DNAJC15: variants seen among roughly 807,000 people sequenced by gnomAD.
DNAJC15 encodes the protein DnaJ heat shock protein family (Hsp40) member C15.
Under a neutral mutation model 22.4 loss-of-function variants are expected in DNAJC15, and 27 were observed. The ratio of observed to expected loss-of-function variants is 1.20; its 90% CI spans 0.89 to 1.66. The LOEUF (loss-of-function observed/expected upper bound fraction) is 1.66. Ranked by LOEUF, DNAJC15 falls within the 40% of genes most tolerant of loss-of-function variation. The pLI is 0.00. For synonymous variants in DNAJC15, 79 were observed against 63.2 expected, an observed-to-expected ratio of 1.25 and a Z score of -1.19; for missense variants, 208 against 187.1, an observed-to-expected ratio of 1.11 and a Z score of -0.65.
chr13:43,074,229 GTGAA>G (rs1428510518), intron 3 of DNAJC15, among the ~76,000 whole-genome samples: 4 of 152,254 alleles, frequency 2.6e-5, no homozygotes, highest in African/African-American at 9.6e-5. Flanking sequence ...AGGCTATTGA[GTGAA>G]TGAATTAGCT....
chr13:43,028,293 C>G (rs1310493011), intron 1 of DNAJC15, among the ~76,000 whole-genome samples: 1 of 152,192 alleles, frequency 6.6e-6, no homozygotes, highest in African/African-American at 2.4e-5. Context: ...TTCCCCCTTT[C>G]TTGACTAGTG....
At chr13:43,070,064 C>A (rs2040601509) in intron 3 of DNAJC15, among the ~76,000 whole-genome samples, 1 of 152,012 alleles carries the variant, frequency 6.6e-6, no homozygotes, top group African/African-American at 2.4e-5. Flanking sequence ...CAGAAATTTT[C>A]AATGTTTATG....
In DNAJC15 at chr13:43,108,715, C is replaced by A. The variant is rs2040810514; in HGVS notation, c.*1467C>A. ...TATCTACTAAAGACTAGTCGTTTCTCATCAGTTGTGACAACAAAAATGGTT... is the reference window on the plus strand; with the variant it reads ...TATCTACTAAAGACTAGTCGTTTCTAATCAGTTGTGACAACAAAAATGGTT... On this transcript the variant is annotated 3_prime_UTR_variant, in exon 6 of 6. Coordinates refer to ENST00000379221, the MANE Select transcript of DNAJC15 (RefSeq NM_013238.3). 1 of 152,092 alleles carries A rather than the reference C, an allele frequency of 6.6e-6. No homozygotes were observed. Among genetic ancestry groups the A allele is most frequent in the African/African-American group, 2.4e-5 (1 of 41,412 alleles). 9.4% of individuals were successfully genotyped at this position (152,092 alleles called of 1,614,324 possible). A position where few individuals can be genotyped will look rare whatever the true frequency, so the allele number is the denominator to read the frequency against.
chr13:43,084,170 G>C (rs1039912818), intron 4 of DNAJC15, among the ~76,000 whole-genome samples: 4 of 152,092 alleles, frequency 2.6e-5, no homozygotes, highest in African/African-American at 9.7e-5. Context: ...TGCAGACCTT[G>C]AGAGTTTAAT....
chr13:43,078,487 GC>G (rs2040646118), intron 3 of DNAJC15, 124 bp from the exon 4 acceptor site: 1 of 599,542 alleles, frequency 1.7e-6, no homozygotes, highest in African/African-American at 1.9e-5. Flanking sequence ...GCTTCCCCCC[GC>G]CCCATAATTT....
chr13:43,087,229 T>C (rs2040692952), intron 5 of DNAJC15, among the ~76,000 whole-genome samples: 1 of 152,204 alleles, frequency 6.6e-6, no homozygotes, highest in African/African-American at 2.4e-5. Context: ...CTGTGGACTT[T>C]TTTTCCATAT....
chr13:43,060,215 C>T (rs955710785), intron 1 of DNAJC15, among the ~76,000 whole-genome samples: 21 of 151,940 alleles, frequency 1.4e-4, no homozygotes, highest in African/African-American at 5.1e-4. Context: ...CAGGGCTATT[C>T]GAGCGGGATT....
intron 1 of DNAJC15, among the ~76,000 whole-genome samples, chr13:43,036,272 C>A (rs949314191): frequency 4.0e-5 from 6 of 150,912 alleles, no homozygotes; most frequent in African/African-American, 1.5e-4. Flanking sequence ...CTCAAGCAGT[C>A]CTCCGACCTC....
intron 2 of DNAJC15, among the ~76,000 whole-genome samples, chr13:43,066,682 G>A (rs1184965524): frequency 6.6e-6 from 1 of 152,122 alleles, no homozygotes; most frequent in Non-Finnish European, 1.5e-5. Flanking sequence ...GAGTGCAGTG[G>A]GGCGATCTCT....
rs137946110 is a variant in DNAJC15, at chr13:43,032,767, G to A, written c.108+9033G>A. The stretch of plus-strand genomic sequence containing the variant: ...TTGAACCCGGGAGGTGGAGGCTACA[G>A]TGAACCCAGATCACACCACTGCACT... On this transcript the variant is annotated intron_variant, in intron 1 of 5. Coordinates refer to ENST00000379221, the MANE Select transcript of DNAJC15 (RefSeq NM_013238.3). Among the ~76,000 whole-genome samples, 545 of 152,294 alleles carry A rather than the reference G, an allele frequency of 3.6e-3. 2 individuals are homozygous for A. The highest frequency in any genetic ancestry group is 0.012 in the African/African-American group (515 of 41,568).
chr13:43,097,354 G>GAGCAT (rs1251806069), intron 5 of DNAJC15, among the ~76,000 whole-genome samples: 1 of 152,216 alleles, frequency 6.6e-6, no homozygotes, highest in African/African-American at 2.4e-5. Context: ...AGATCAGCTG[G>GAGCAT]AGCATAGGAA....
chr13:43,114,137 G>A lies in DNAJC15; in HGVS notation c.*6889G>A, dbSNP rs573470837. 88 of 152,196 alleles carry A rather than the reference G, an allele frequency of 5.8e-4. No homozygotes were observed. Among genetic ancestry groups the A allele is most frequent in the African/African-American group, 2.0e-3 (84 of 41,540 alleles). 9.4% of individuals were successfully genotyped at this position (152,196 alleles called of 1,614,324 possible). A position where few individuals can be genotyped will look rare whatever the true frequency, so the allele number is the denominator to read the frequency against. ...GTTTGTTTTGCTTTAAAATTGTAAA[G>A]GATAAACAATAAGATAGTTTTATCT... On this transcript the variant is annotated 3_prime_UTR_variant, in exon 6 of 6. Coordinates refer to ENST00000379221, the MANE Select transcript of DNAJC15 (RefSeq NM_013238.3).
At chr13:43,097,116 T>G (rs957736420) in intron 5 of DNAJC15, among the ~76,000 whole-genome samples, 3 of 152,214 alleles carry the variant, frequency 2.0e-5, no homozygotes, top group African/African-American at 7.2e-5. Flanking sequence ...GGATCATAAG[T>G]GCTTTGAAGA....
intron 4 of DNAJC15, among the ~76,000 whole-genome samples, chr13:43,080,896 C>G (rs1001748821): frequency 1.2e-4 from 19 of 152,190 alleles, no homozygotes; most frequent in African/African-American, 4.3e-4. Flanking sequence ...CTAGCCCTTT[C>G]TTTTCAGTCA....
At chr13:43,078,488 C>T in intron 3 of DNAJC15, 124 bp from the exon 4 acceptor site, 3 of 619,366 alleles carry the variant, frequency 4.8e-6, no homozygotes, top group Non-Finnish European at 8.1e-6. Flanking sequence ...CTTCCCCCCG[C>T]CCCATAATTT....
rs1041303465 is a variant in DNAJC15 at position 43,023,689 on chromosome 13, G to C, written c.63G>C (p.Gln21His). 3.7e-6 allele frequency: 6 copies of C among 1,612,642 alleles called. No individual in the cohort carries two copies. Among genetic ancestry groups the C allele is most frequent in the Non-Finnish European group, 5.1e-6 (6 of 1,179,550 alleles). Reference protein sequence around the residue: ...GESLRYAEYLQPSAKRPDADV... With the variant: ...GESLRYAEYLHPSAKRPDADV... Reference sequence around the variant, plus strand: ...GTTTGCGCTACGCTGAGTACTTGCAGCCCTCGGCCAAACGGCCAGACGCCG... The same window carrying C: ...GTTTGCGCTACGCTGAGTACTTGCACCCCTCGGCCAAACGGCCAGACGCCG... Residue 21 changes from glutamine (Q) to histidine (H), a missense_variant, in exon 1 of 6, where the codon CAG (glutamine) becomes CAC (histidine). Physicochemically the swap from Gln to His is conservative, Grantham distance 24. Coordinates refer to ENST00000379221, the MANE Select transcript of DNAJC15 (RefSeq NM_013238.3).
At chr13:43,084,298 G>C (rs969208151) in intron 4 of DNAJC15, among the ~76,000 whole-genome samples, 1 of 152,150 alleles carries the variant, frequency 6.6e-6, no homozygotes, top group African/African-American at 2.4e-5. Flanking sequence ...TTACTTTCAT[G>C]TGTGCTAGGT....
chr13:43,086,702 A>G (rs1315033873), intron 5 of DNAJC15, among the ~76,000 whole-genome samples: 1 of 152,226 alleles, frequency 6.6e-6, no homozygotes, highest in Non-Finnish European at 1.5e-5. Flanking sequence ...TAAACATGAG[A>G]ATAAACTTTC....
At chr13:43,078,842 A>G (rs1461425400) in intron 4 of DNAJC15, 154 bp downstream of exon 4, 2 of 543,088 alleles carry the variant, frequency 3.7e-6, no homozygotes, top group South Asian at 5.4e-5. Flanking sequence ...CCTCAAATCT[A>G]AAAGTATCCC....
Sources: gnomAD v4.1 joint callset for allele counts (sites outside exome capture counted in the v4.1 genomes callset) on GRCh38, gnomAD v4.1.1 for gene constraint, MANE v1.5 for transcripts, NCBI Gene and HGNC (gene_info 2026-07-23, HGNC 2026-07-21) for gene names.